Variants in TRPM3 observed in about 807,000 individuals in gnomAD.
The protein encoded by TRPM3 is transient receptor potential cation channel subfamily M member 3.
A neutral mutation model predicts 181.2 loss-of-function variants in TRPM3; 77 were observed. That is an observed-to-expected ratio of 0.42 (90% CI 0.35 to 0.51). TRPM3 has a LOEUF of 0.51. TRPM3 is among the 20% of genes least tolerant of loss of function. The pLI is 0.01. For missense variants in TRPM3, 1,759 were observed against 2,196.7 expected (o/e 0.80, Z 3.98); for synonymous variants, 745 against 796.4 (o/e 0.94, Z 1.09).
At chr9:71,023,666 A>G (rs1432230989) in intron 1 of TRPM3, among the ~76,000 whole-genome samples, 1 of 152,100 alleles carries the variant, frequency 6.6e-6, no homozygotes, top group Admixed American at 6.6e-5. Flanking sequence ...GATGTATGCA[A>G]CAACTTGGAA....
chr9:71,389,922 T>G (rs2093021801), intron 1 of TRPM3, among the ~76,000 whole-genome samples: 1 of 152,008 alleles, frequency 6.6e-6, no homozygotes, highest in South Asian at 2.1e-4. Context: ...AAAAACTTGC[T>G]CATGTAGCCA....
At chr9:71,034,798 G>C (rs1379272175) in intron 1 of TRPM3, among the ~76,000 whole-genome samples, 1 of 150,822 alleles carries the variant, frequency 6.6e-6, no homozygotes, top group African/African-American at 2.4e-5. Flanking sequence ...GAATGCTGTT[G>C]GGTTGTTGAA....
chr9:71,404,289 G>T (rs1565539074), intron 1 of TRPM3, among the ~76,000 whole-genome samples: 1 of 152,142 alleles, frequency 6.6e-6, no homozygotes, highest in Non-Finnish European at 1.5e-5. Context: ...TATAAATGAT[G>T]AATAATTGCT....
At chr9:71,113,575 C>T (rs1217547223) in intron 1 of TRPM3, among the ~76,000 whole-genome samples, 2 of 152,052 alleles carry the variant, frequency 1.3e-5, no homozygotes, top group East Asian at 1.9e-4. Flanking sequence ...GTCTGACATG[C>T]CATATTTTCT....
chr9:70,870,265 C>G (rs1231089365), intron 1 of TRPM3, among the ~76,000 whole-genome samples: 2 of 152,030 alleles, frequency 1.3e-5, no homozygotes, highest in East Asian at 3.9e-4. Flanking sequence ...TTTCCAGGGT[C>G]AATCTTCTTC....
chr9:71,022,950 T>C (rs906203791), intron 1 of TRPM3, among the ~76,000 whole-genome samples: 2 of 152,112 alleles, frequency 1.3e-5, no homozygotes, highest in East Asian at 1.9e-4. Context: ...CAATGAATTC[T>C]AGCCTTGAAA....
At chr9:70,813,252 A>C (rs1458155392) in intron 6 of TRPM3, among the ~76,000 whole-genome samples, 1 of 152,196 alleles carries the variant, frequency 6.6e-6, no homozygotes, top group East Asian at 1.9e-4. Flanking sequence ...AAGACATGGA[A>C]TCAACCCGGG....
intron 1 of TRPM3, among the ~76,000 whole-genome samples, chr9:71,062,285 C>A (rs1344105723): frequency 6.6e-6 from 1 of 152,048 alleles, no homozygotes; most frequent in East Asian, 1.9e-4. Flanking sequence ...TCCACCTTCC[C>A]TTTATTAAAA....
At chr9:70,831,989 A>ATATTTATATATATATATATT (rs1564497705) in intron 5 of TRPM3, among the ~76,000 whole-genome samples, 16 of 115,716 alleles carry the variant, frequency 1.4e-4, no homozygotes, top group African/African-American at 4.6e-4. Context: ...ATATATATAT[A>ATATTTATATATATATATATT]TATATATACC....
intron 1 of TRPM3, among the ~76,000 whole-genome samples, chr9:71,440,538 C>G (rs1004968667): frequency 3.9e-5 from 6 of 152,220 alleles, no homozygotes; most frequent in Non-Finnish European, 8.8e-5. Flanking sequence ...GTCTCAGAAG[C>G]TTTTTCTCCA....
intron 1 of TRPM3, among the ~76,000 whole-genome samples, chr9:71,426,909 T>G (rs901522307): frequency 1.8e-4 from 27 of 152,214 alleles, no homozygotes; most frequent in African/African-American, 5.1e-4. Context: ...CTCCTTTTTA[T>G]GTCTGCCATT....
intron 1 of TRPM3, among the ~76,000 whole-genome samples, chr9:71,298,919 T>C (rs1175448173): frequency 6.6e-6 from 1 of 152,160 alleles, no homozygotes; most frequent in East Asian, 1.9e-4. Context: ...CCTACTTTCC[T>C]AGATAAGAGA....
intron 6 of TRPM3, among the ~76,000 whole-genome samples, chr9:70,786,630 C>T (rs981359301): frequency 8.5e-5 from 13 of 152,150 alleles, no homozygotes; most frequent in African/African-American, 2.4e-4. Context: ...AAAAGGTAGC[C>T]TATTTTCCAT....
rs1287479475 is a variant in TRPM3 at position 70,532,139 on chromosome 9, G to C, written c.*3814C>G. 1 of 152,136 alleles carries C rather than the reference G, an allele frequency of 6.6e-6. No individual in the cohort carries two copies. Among genetic ancestry groups the C allele is most frequent in the Non-Finnish European group, 1.5e-5 (1 of 68,026 alleles). 9.4% of individuals were successfully genotyped at this position (152,136 alleles called of 1,614,324 possible). ...CAACATATGAATGGTATAGCCTATA[G>C]ATAGAGCATGATGGATGACCGGGTA... On this transcript the variant is annotated 3_prime_UTR_variant, in exon 26 of 26. Transcript: ENST00000677713.
intron 12 of TRPM3, among the ~76,000 whole-genome samples, chr9:70,627,185 C>G (rs2064804990): frequency 6.6e-6 from 1 of 150,528 alleles, no homozygotes; most frequent in Non-Finnish European, 1.5e-5. Context: ...ATCTGGAATT[C>G]AGTGGCTATC....
chr9:70,906,255 T>C (rs996278313), intron 1 of TRPM3, among the ~76,000 whole-genome samples: 2 of 152,102 alleles, frequency 1.3e-5, no homozygotes, highest in Non-Finnish European at 2.9e-5. Context: ...TAGCCAGGGA[T>C]TTTAGAGATT....
intron 1 of TRPM3, among the ~76,000 whole-genome samples, chr9:71,116,648 A>G (rs921806565): frequency 1.3e-5 from 2 of 152,146 alleles, no homozygotes; most frequent in African/African-American, 4.8e-5. Context: ...CCTTCAGTTA[A>G]TTCCCTTGTG....
intron 6 of TRPM3, among the ~76,000 whole-genome samples, chr9:70,788,747 T>C (rs777298214): frequency 6.6e-6 from 1 of 152,136 alleles, no homozygotes; most frequent in Non-Finnish European, 1.5e-5. Context: ...CATGGTCCCA[T>C]CTAGGCATGA....
At chr9:71,198,299 G>T (rs545215723) in intron 1 of TRPM3, among the ~76,000 whole-genome samples, 94 of 152,032 alleles carry the variant, frequency 6.2e-4, no homozygotes, top group Middle Eastern at 6.8e-3. Flanking sequence ...TTGAAGTCAG[G>T]TAGTGTGATG....
Sources: allele counts gnomAD v4.1 joint callset (sites outside exome capture counted in the v4.1 genomes callset), GRCh38; gene constraint gnomAD v4.1.1; transcripts MANE v1.5; gene names NCBI Gene and HGNC (gene_info 2026-07-23, HGNC 2026-07-21).